The following CWC27 variants were observed in gnomAD, a reference collection of about 807,000 sequenced individuals.
CWC27 encodes the protein spliceosome-associated protein CWC27 homolog.
CWC27 carries 47 observed loss-of-function variants against 63.6 expected under a neutral mutation model. The observed-to-expected ratio is 0.74, with a 90% CI of 0.58 to 0.94. The LOEUF (loss-of-function observed/expected upper bound fraction) is 0.94, where lower values mean the gene tolerates loss of function less well. Among genes scored for constraint, CWC27 ranks in the 40% least tolerant of loss-of-function variants. The pLI is 0.00. For missense variants in CWC27, 495 were observed against 554.3 expected (o/e 0.89, Z 1.07); for synonymous variants, 175 against 179.8 (o/e 0.97, Z 0.22).
At chr5:64,922,774 TTTTCC>T (rs1288498407) in intron 11 of CWC27, among the ~76,000 whole-genome samples, 3 of 152,192 alleles carry the variant, frequency 2.0e-5, no homozygotes, top group Admixed American at 6.5e-5. Flanking sequence ...TTTGAAGTTG[TTTTCC>T]TTTGGATAGA....
chr5:64,796,365 A>G lies in CWC27; in HGVS notation c.670-3883A>G, dbSNP rs145745814. Among the ~76,000 whole-genome samples, 237 of 152,206 alleles carry G rather than the reference A, an allele frequency of 1.6e-3. 1 individual carries two copies. The highest frequency in any genetic ancestry group is 5.3e-3 in the African/African-American group (220 of 41,532). ...AATTCCAAAATATGTAGAGTAGGCC[A>G]GCATGCTGGAGACTCAGGGAATAGT... On this transcript the variant is annotated intron_variant, in intron 7 of 13. Coordinates refer to ENST00000381070, the MANE Select transcript of CWC27 (RefSeq NM_005869.4).
At chr5:65,004,901 TATATAC>T (rs1262889630) in intron 13 of CWC27, among the ~76,000 whole-genome samples, 3 of 65,146 alleles carry the variant, frequency 4.6e-5, no homozygotes, top group South Asian at 6.2e-4. Flanking sequence ...TATATATATA[TATATAC>T]ATACACACAC....
chr5:64,804,124 A>AAC, intron 9 of CWC27, 105 bp from the exon 10 acceptor site: 1 of 1,023,912 alleles, frequency 9.8e-7, no homozygotes. Context: ...TAAAAAAAAA[A>AAC]ACCTAGTTTA....
At chr5:64,888,005 A>G (rs1357718238) in intron 11 of CWC27, among the ~76,000 whole-genome samples, 3 of 152,094 alleles carry the variant, frequency 2.0e-5, no homozygotes, top group African/African-American at 4.8e-5. Context: ...TAGAATCAAA[A>G]TCAAATGGTC....
chr5:64,817,547 A>G (rs1421235476), intron 10 of CWC27, among the ~76,000 whole-genome samples: 2 of 152,166 alleles, frequency 1.3e-5, no homozygotes, highest in African/African-American at 2.4e-5. Context: ...AATCTTCTAA[A>G]TGAGTGGATT....
At chr5:64,824,818 C>T (rs527459844) in intron 10 of CWC27, among the ~76,000 whole-genome samples, 72 of 150,084 alleles carry the variant, frequency 4.8e-4, no homozygotes, top group African/African-American at 1.6e-3. Context: ...CTGCAACCTC[C>T]GCCTCCCAGG....
chr5:64,849,430 A>C (rs1442757661), intron 10 of CWC27, among the ~76,000 whole-genome samples: 1 of 152,136 alleles, frequency 6.6e-6, no homozygotes, highest in African/African-American at 2.4e-5. Flanking sequence ...TTCAAATCTC[A>C]TGTTGAATTG....
intron 10 of CWC27, among the ~76,000 whole-genome samples, chr5:64,827,961 G>T (rs1745408600): frequency 6.6e-6 from 1 of 152,128 alleles, no homozygotes; most frequent in Non-Finnish European, 1.5e-5. Flanking sequence ...TATGCTAGCT[G>T]CCTGGTAGTC....
In CWC27 at chr5:64,896,636, G is replaced by T. The variant is rs539606660; in HGVS notation, c.1042+11090G>T. Reference sequence around the variant, plus strand: ...GAAACTACTAACAGGATAAGGAAGGGTCTTAACTTCCAAACCAGTAGAGAA... The same window carrying T: ...GAAACTACTAACAGGATAAGGAAGGTTCTTAACTTCCAAACCAGTAGAGAA... On this transcript the variant is annotated intron_variant, in intron 11 of 13. Transcript: ENST00000381070. Among the ~76,000 whole-genome samples the T allele has an allele frequency of 7.3e-5, 11 of 150,968 alleles. No individual in the cohort carries two copies. The South Asian group carries it at 1.9e-3, about 26-fold the overall frequency.
intron 8 of CWC27, among the ~76,000 whole-genome samples, chr5:64,800,856 G>T (rs1011453191): frequency 8.5e-5 from 13 of 152,082 alleles, no homozygotes; most frequent in Non-Finnish European, 1.8e-4. Flanking sequence ...AAGATAAACT[G>T]GGCCAGTATC....
At chr5:64,822,714 A>C (rs542014559) in intron 10 of CWC27, among the ~76,000 whole-genome samples, 2 of 152,340 alleles carry the variant, frequency 1.3e-5, no homozygotes, top group Admixed American at 6.5e-5. Flanking sequence ...TAAACATATT[A>C]ATAGATTAAT....
intron 11 of CWC27, among the ~76,000 whole-genome samples, chr5:64,901,554 G>A (rs1747511308): frequency 1.3e-5 from 2 of 152,116 alleles, no homozygotes; most frequent in African/African-American, 2.4e-5. Context: ...CACTCTAAGT[G>A]AGTCAGGGAG....
chr5:64,842,803 T>C (rs1326130183), intron 10 of CWC27, among the ~76,000 whole-genome samples: 5 of 151,992 alleles, frequency 3.3e-5, no homozygotes, highest in South Asian at 4.2e-4. Flanking sequence ...GGTTTCGCCA[T>C]GTTGCCCAAG....
rs77759671 is a variant in CWC27, at chr5:64,808,157, C to T, written c.938+3771C>T. On this transcript the variant is annotated intron_variant, in intron 10 of 13. Coordinates refer to ENST00000381070, the MANE Select transcript of CWC27 (RefSeq NM_005869.4). The stretch of plus-strand genomic sequence containing the variant: ...TTGTTAGAAATACCGAGTCTCAGGC[C>T]CTGTCCTACACATTTTTAATTAGAA... 6,048 of 1,038,764 alleles carry T rather than the reference C, an allele frequency of 5.8e-3. 307 individuals are homozygous for T. The African/African-American group carries it at 0.097, about 17-fold the overall frequency. The allele number at this position is 1,038,764 out of a possible 1,614,324, so 64.3% of individuals were successfully genotyped here.
intron 10 of CWC27, among the ~76,000 whole-genome samples, chr5:64,850,541 C>T (rs576744755): frequency 1.1e-4 from 16 of 152,128 alleles, no homozygotes; most frequent in African/African-American, 3.9e-4. Flanking sequence ...CAAGAGGTAA[C>T]AAACGCAAAA....
rs377639945 is a variant in CWC27 at position 64,974,170 on chromosome 5, C to T, written c.1152+2358C>T. Among the ~76,000 whole-genome samples the T allele has an allele frequency of 2.4e-4, 37 of 151,482 alleles. No individual in the cohort carries two copies. The East Asian group carries it at 3.3e-3, about 14-fold the overall frequency. On this transcript the variant is annotated intron_variant, in intron 12 of 13. Transcript: ENST00000381070. The stretch of plus-strand genomic sequence containing the variant: ...TGAGGATCGCTTGAGCCCAGTAGGT[C>T]GACGCTGTAGTGAGCCATGATTGTA...
Position 64,971,750 on chromosome 5 carries a change from A to G in CWC27, c.1090A>G (p.Lys364Glu). 5 of 1,612,174 alleles carry G rather than the reference A, an allele frequency of 3.1e-6. No individual in the cohort carries two copies. Among genetic ancestry groups the G allele is most frequent in the Non-Finnish European group, 4.2e-6 (5 of 1,179,240 alleles). Residue 364 changes from lysine to glutamate, a missense_variant, in exon 12 of 14, where the codon AAG (lysine) becomes GAG (glutamate). Coordinates refer to ENST00000381070, the MANE Select transcript of CWC27 (RefSeq NM_005869.4). Reference sequence around the variant, plus strand: ...TGCTGTTGCCGAATACAGAAGAGAAAAGCAAAAGTATGAAGCTTTGAGGAA... The same window carrying G: ...TGCTGTTGCCGAATACAGAAGAGAAGAGCAAAAGTATGAAGCTTTGAGGAA... ...DGAVAEYRRE[K>E]QKYEALRKQQ... is the part of the protein sequence containing the mutation.
intron 10 of CWC27, among the ~76,000 whole-genome samples, chr5:64,865,123 TA>T (rs5868390): frequency 0.57 from 84,208 of 148,174 alleles, 23,811 homozygotes; most frequent in Middle Eastern, 0.73. Flanking sequence ...CTAAGGGCAT[TA>T]AAAAAAAAAA....
intron 10 of CWC27, among the ~76,000 whole-genome samples, chr5:64,835,612 G>A (rs1356500620): frequency 2.6e-5 from 4 of 151,742 alleles, no homozygotes; most frequent in African/African-American, 4.8e-5. Context: ...AATTTGCCAC[G>A]AACTGATGGT....
Sources: gnomAD v4.1 joint callset for allele counts (sites outside exome capture counted in the v4.1 genomes callset) on GRCh38, gnomAD v4.1.1 for gene constraint, MANE v1.5 for transcripts, NCBI Gene and HGNC (gene_info 2026-07-23, HGNC 2026-07-21) for gene names.